The following CACNA1C variants were observed in gnomAD, a reference collection of about 807,000 sequenced individuals.
The protein encoded by CACNA1C is voltage-dependent L-type calcium channel subunit alpha-1C.
A neutral mutation model predicts 229.0 loss-of-function variants in CACNA1C; 30 were observed. The observed-to-expected ratio is 0.13, with a 90% confidence interval of 0.10 to 0.18. The LOEUF (loss-of-function observed/expected upper bound fraction) is 0.18. Among genes scored for constraint, CACNA1C ranks in the 10% least tolerant of loss-of-function variants. CACNA1C has a pLI of 1.00. For synonymous variants in CACNA1C, 1,114 were observed against 1,132.5 expected (o/e 0.98, Z 0.33); for missense variants, 1,658 against 2,845.0 (o/e 0.58, Z 9.49).
chr12:2,532,431 T>G (rs2099843340), intron 9 of CACNA1C, among the ~76,000 whole-genome samples: 1 of 152,138 alleles, frequency 6.6e-6, no homozygotes, highest in South Asian at 2.1e-4. Flanking sequence ...TCCCCCACAG[T>G]ATTATTGAGA....
At chr12:2,249,031 T>C (rs1017374369) in intron 3 of CACNA1C, among the ~76,000 whole-genome samples, 2 of 152,190 alleles carry the variant, frequency 1.3e-5, no homozygotes, top group African/African-American at 4.8e-5. Flanking sequence ...CAGTTTGATG[T>C]AGTGGTTGTC....
Position 2,078,843 on chromosome 12 carries a change from G to C in CACNA1C, c.49+25232G>C, listed in dbSNP as rs560731305. Among the ~76,000 whole-genome samples, 40 of 151,862 alleles carry C rather than the reference G, an allele frequency of 2.6e-4. No homozygotes were observed. In the East Asian group the frequency reaches 5.4e-3, roughly 21 times the overall value. On this transcript the variant is annotated intron_variant, in intron 1 of 46. Coordinates refer to ENST00000399655, the MANE Select transcript of CACNA1C (RefSeq NM_000719.7). ...ACACATGCACACGTATGTTTATTGC[G>C]GCACTATTCACAATAGCAAAGACTT...
chr12:2,690,145 G>C (rs2097741945), intron 46 of CACNA1C: 1 of 152,892 alleles, frequency 6.5e-6, no homozygotes, highest in Non-Finnish European at 1.5e-5. Flanking sequence ...CTCACCCCTG[G>C]AAAGGCAGCA....
At position 2,547,551 on chromosome 12, in the gene CACNA1C, G is replaced by A. The variant is rs750523457; in HGVS notation, c.1391-2392G>A. 38 of 778,620 alleles carry A rather than the reference G, an allele frequency of 4.9e-5. No homozygotes were observed. The South Asian group carries it at 5.0e-4, about 10-fold the overall frequency. The allele number at this position is 778,620 out of a possible 1,614,324, so 48.2% of individuals were successfully genotyped here. ...TAATGTTCCCCTGTGCTCTGTGTGT[G>A]TAAATGCGTGTGGGTGCATACCAGA... On this transcript the variant is annotated intron_variant, in intron 9 of 46. Coordinates refer to ENST00000399655, the MANE Select transcript of CACNA1C (RefSeq NM_000719.7).
intron 3 of CACNA1C, among the ~76,000 whole-genome samples, chr12:2,334,993 C>G (rs927779892): frequency 3.3e-5 from 5 of 152,202 alleles, no homozygotes; most frequent in Non-Finnish European, 7.3e-5. Flanking sequence ...TATCCAATGG[C>G]CCCAGGCTGA....
chr12:2,389,906 TCTTA>T (rs1594972684), intron 3 of CACNA1C, among the ~76,000 whole-genome samples: 1 of 152,228 alleles, frequency 6.6e-6, no homozygotes, highest in South Asian at 2.1e-4. Context: ...TTCCCTCCTC[TCTTA>T]CTTCTCATTT....
At position 2,467,598 on chromosome 12, in the gene CACNA1C, C is replaced by T. The variant is rs1207426373; in HGVS notation, c.757+9892C>T. Among the ~76,000 whole-genome samples the T allele has an allele frequency of 1.6e-4, 24 of 152,230 alleles. No individual in the cohort carries two copies. The highest frequency in any genetic ancestry group is 1.9e-4 in the East Asian group (1 of 5,162). The stretch of plus-strand genomic sequence containing the variant: ...GGCAGCCAGAGACAGCAGGGGGTGG[C>T]GGGGGGCCCTTCACACTGCAGGAGG... On this transcript the variant is annotated intron_variant, in intron 5 of 46. Transcript: ENST00000399655. This position sits in a 1 kb window ranked among gnomAD's most constrained non-coding sequence, Gnocchi z 4.6.
At chr12:2,156,473 G>A (rs1008843393) in intron 3 of CACNA1C, among the ~76,000 whole-genome samples, 1 of 152,140 alleles carries the variant, frequency 6.6e-6, no homozygotes, top group African/African-American at 2.4e-5. Context: ...ATCACCCACC[G>A]GTGTTTATTT....
chr12:2,057,041 C>T (rs2055269307), intron 1 of CACNA1C, among the ~76,000 whole-genome samples: 1 of 152,218 alleles, frequency 6.6e-6, no homozygotes, highest in Admixed American at 6.5e-5. Context: ...TAAAGGGAGA[C>T]TTGTTCTTAC....
At chr12:2,325,914 C>CTG (rs1427451249) in intron 3 of CACNA1C, among the ~76,000 whole-genome samples, 2 of 152,226 alleles carry the variant, frequency 1.3e-5, no homozygotes, top group Non-Finnish European at 2.9e-5. Context: ...CCAGCCGCTA[C>CTG]TGTGTGTGCG....
chr12:2,151,574 T>C (rs1050398794), intron 3 of CACNA1C, among the ~76,000 whole-genome samples: 2 of 152,172 alleles, frequency 1.3e-5, no homozygotes, highest in Non-Finnish European at 2.9e-5. Context: ...GGCATCTGGC[T>C]GGGAGGCTGG....
intron 3 of CACNA1C, among the ~76,000 whole-genome samples, chr12:2,203,158 G>A (rs976134481): frequency 6.6e-6 from 1 of 152,140 alleles, no homozygotes; most frequent in East Asian, 1.9e-4. Context: ...GGAAGTGCCT[G>A]CAAACTATTC....
chr12:2,447,016 G>A (rs967814659), intron 3 of CACNA1C, among the ~76,000 whole-genome samples: 2 of 152,102 alleles, frequency 1.3e-5, no homozygotes, highest in African/African-American at 2.4e-5. Context: ...ACCTTTCTGG[G>A]AATATAGAAA....
intron 1 of CACNA1C, among the ~76,000 whole-genome samples, chr12:2,040,784 T>A (rs932662590): frequency 2.6e-5 from 4 of 152,238 alleles, no homozygotes; most frequent in African/African-American, 9.6e-5. Flanking sequence ...AGTACCCTGC[T>A]ATGTCTATAC....
chr12:2,597,408 C>T lies in CACNA1C; in HGVS notation c.2853+119C>T. The T allele has an allele frequency of 6.4e-7, 1 of 1,573,052 alleles. No homozygotes were observed. The highest frequency in any genetic ancestry group is 8.8e-7 in the Non-Finnish European group (1 of 1,142,746). On this transcript the variant is annotated intron_variant, in intron 21 of 46. Coordinates refer to ENST00000399655, the MANE Select transcript of CACNA1C (RefSeq NM_000719.7). The surrounding 1 kb of genome is among the most constrained non-coding windows in gnomAD (Gnocchi z 4.3). ...GTTGGTGTGGGGTTCACTCTCAGAG[C>T]CACTAATCCAATTATGCTTATTTTT...
chr12:2,259,878 G>C (rs2079409981), intron 3 of CACNA1C, among the ~76,000 whole-genome samples: 1 of 152,162 alleles, frequency 6.6e-6, no homozygotes, highest in Non-Finnish European at 1.5e-5. Context: ...GGAGGCTGCA[G>C]TGAGCTAGAA....
At chr12:2,688,407 C>G in intron 45 of CACNA1C, 40 bp from the exon 46 acceptor site, 1 of 1,589,896 alleles carries the variant, frequency 6.3e-7, no homozygotes, top group Non-Finnish European at 8.6e-7. Flanking sequence ...TGTTTGGGGT[C>G]GGCCACTCCT....
At chr12:1,991,601 C>T (rs1015837918) in intron 1 of CACNA1C, 7 of 222,852 alleles carry the variant, frequency 3.1e-5, no homozygotes, top group Non-Finnish European at 5.3e-5. Flanking sequence ...ACTCACAGTG[C>T]AGCTCCGTTT....
intron 3 of CACNA1C, among the ~76,000 whole-genome samples, chr12:2,122,634 C>CGG (rs766087083): frequency 1.3e-5 from 2 of 152,194 alleles, no homozygotes; most frequent in African/African-American, 2.4e-5. Flanking sequence ...AGCCTCTCCT[C>CGG]CTGTGTCTAC....
Sources: gnomAD v4.1 joint callset for allele counts (sites outside exome capture counted in the v4.1 genomes callset) on GRCh38, gnomAD v4.1.1 for gene constraint, Gnocchi (gnomAD v3.1) non-coding constraint, MANE v1.5 for transcripts, NCBI Gene and HGNC (gene_info 2026-07-23, HGNC 2026-07-21) for gene names.